Variants in CFAP77 observed in about 807,000 individuals in gnomAD.
The protein encoded by CFAP77 is cilia and flagella associated protein 77, also known as cilia- and flagella-associated protein 77.
CFAP77 carries 25 observed loss-of-function variants against 31.1 expected under a neutral mutation model. The ratio of observed to expected loss-of-function variants is 0.80; its 90% CI spans 0.59 to 1.12. The LOEUF (loss-of-function observed/expected upper bound fraction) is 1.12, where lower values mean the gene tolerates loss of function less well. Among genes scored for constraint, CFAP77 ranks in the 50% most tolerant of loss-of-function variants. CFAP77 has a pLI of 0.00. For synonymous variants in CFAP77, 151 were observed against 159.9 expected (o/e 0.94, Z 0.42); for missense variants, 377 against 397.3 (o/e 0.95, Z 0.44).
At chr9:132,547,140 G>C (rs936529407) in intron 5 of CFAP77, among the ~76,000 whole-genome samples, 1 of 152,230 alleles carries the variant, frequency 6.6e-6, no homozygotes, top group African/African-American at 2.4e-5. Context: ...ACGCTCCCCT[G>C]CCCTTTGGCC....
At chr9:132,464,265 C>T (rs903110789) in intron 1 of CFAP77, among the ~76,000 whole-genome samples, 2 of 152,228 alleles carry the variant, frequency 1.3e-5, no homozygotes, top group South Asian at 2.1e-4. Context: ...ATACAGGGCT[C>T]GGTCTCTGCC....
intron 1 of CFAP77, among the ~76,000 whole-genome samples, chr9:132,437,071 C>T (rs1850515562): frequency 6.6e-6 from 1 of 152,126 alleles, no homozygotes; most frequent in African/African-American, 2.4e-5. Flanking sequence ...TCATTTCGCA[C>T]CCTGTGTATC....
chr9:132,552,173 T>C lies in CFAP77; in HGVS notation c.732+9126T>C, dbSNP rs1589922167. Among the ~76,000 whole-genome samples the C allele has an allele frequency of 6.6e-6, 1 of 152,118 alleles. No individual in the cohort carries two copies. On this transcript the variant is annotated intron_variant, in intron 5 of 5. Coordinates refer to ENST00000393216, the MANE Select transcript of CFAP77 (RefSeq NM_001282957.2). This position sits in a 1 kb window ranked among gnomAD's most constrained non-coding sequence, Gnocchi z 5.5. Reference sequence around the variant, plus strand: ...GGCAGCCATGCAGAGTGGCTCCAGGTCCCAGCCTGCCTCATGCCCGCCCCA... The same window carrying C: ...GGCAGCCATGCAGAGTGGCTCCAGGCCCCAGCCTGCCTCATGCCCGCCCCA...
rs1851446519 is a variant in CFAP77 at position 132,481,518 on chromosome 9, C to T, written c.196-17177C>T. On this transcript the variant is annotated intron_variant, in intron 1 of 5. Transcript: ENST00000393216. This position sits in a 1 kb window ranked among gnomAD's most constrained non-coding sequence, Gnocchi z 5.0. ...CCGAGCACAGTGGCTTGCACCCCGT[C>T]GGTGGCTGCTGCCCCGCTCCTGCTA... Among the ~76,000 whole-genome samples the T allele has an allele frequency of 6.6e-6, 1 of 152,218 alleles. No individual in the cohort carries two copies. The highest frequency in any genetic ancestry group is 2.4e-5 in the African/African-American group (1 of 41,456).
rs568693481 is a variant in CFAP77 at position 132,497,676 on chromosome 9, T to C, written c.196-1019T>C. 6.6e-6 allele frequency among the ~76,000 whole-genome samples: 1 copy of C among 152,302 alleles called. No individual in the cohort carries two copies. The highest frequency in any genetic ancestry group is 1.9e-4 in the East Asian group (1 of 5,174). On this transcript the variant is annotated intron_variant, in intron 1 of 5. Coordinates refer to ENST00000393216, the MANE Select transcript of CFAP77 (RefSeq NM_001282957.2). This position sits in a 1 kb window ranked among gnomAD's most constrained non-coding sequence, Gnocchi z 4.9. ...CCTGAGGCAACCTGTCGGATCTCTC[T>C]GTGCCTCAGCTTCCCCCTGAGAAAC...
rs867944686 is a variant in CFAP77, at chr9:132,499,508, C to G, written c.432C>G (p.Leu144=). ...TARENLLYRQ[L]NDIRISDQDD... ...GGGAGAACTTGCTCTACCGTCAGCT[C>G]AATGACATCCGCATCAGTGACCAGG... is the stretch of plus-strand genomic sequence containing the variant. The change falls in exon 3 of 6, where the codon CTC becomes CTG. Residue 144 remains leucine (L), a synonymous_variant. Coordinates refer to ENST00000393216, the MANE Select transcript of CFAP77 (RefSeq NM_001282957.2). This position sits in a 1 kb window ranked among gnomAD's most constrained non-coding sequence, Gnocchi z 5.4. The G allele has an allele frequency of 5.6e-6, 9 of 1,614,192 alleles. No homozygotes were observed. In the Middle Eastern group the frequency reaches 1.3e-3, roughly 237 times the overall value.
At position 132,496,983 on chromosome 9, in the gene CFAP77, G is replaced by T. The variant is rs180980857; in HGVS notation, c.196-1712G>T. Among the ~76,000 whole-genome samples the T allele has an allele frequency of 4.6e-5, 7 of 152,334 alleles. No homozygotes were observed. In the East Asian group the frequency reaches 1.4e-3, roughly 29 times the overall value. On this transcript the variant is annotated intron_variant, in intron 1 of 5. Coordinates refer to ENST00000393216, the MANE Select transcript of CFAP77 (RefSeq NM_001282957.2). ...AAGAGTCACTGGCATTCAGACGAGG[G>T]TGAGCCATGGTGAACCCAGGGGTCC...
rs59722731 is a variant in CFAP77, at chr9:132,481,959, T to TG, written c.196-16722dup. Among the ~76,000 whole-genome samples the TG allele has an allele frequency of 8.0e-4, 93 of 115,758 alleles. 1 individual carries two copies. The highest frequency in any genetic ancestry group is 1.2e-3 in the East Asian group (4 of 3,208). 75.9% of individuals were successfully genotyped at this position (115,758 alleles called of 152,430 possible). On this transcript the variant is annotated intron_variant, in intron 1 of 5. Transcript: ENST00000393216. The surrounding 1 kb of genome is among the most constrained non-coding windows in gnomAD (Gnocchi z 5.0). ...TCAGGAAGGAACAAGGGTTTATGGTTGGGGGGGGGGGGGGCGGCGGAACAC... is the reference window on the plus strand; with the variant it reads ...TCAGGAAGGAACAAGGGTTTATGGTTGGGGGGGGGGGGGGGCGGCGGAACAC...
chr9:132,485,407 G>A (rs1851523694), intron 1 of CFAP77, among the ~76,000 whole-genome samples: 1 of 152,218 alleles, frequency 6.6e-6, no homozygotes, highest in Non-Finnish European at 1.5e-5. Context: ...AGAAGCCAGA[G>A]TTCCAGCTCG....
In CFAP77 at chr9:132,499,508, C is replaced by T; in HGVS notation, c.432C>T (p.Leu144=). The T allele has an allele frequency of 1.2e-6, 2 of 1,614,192 alleles. No homozygotes were observed. The highest frequency in any genetic ancestry group is 2.2e-5 in the South Asian group (2 of 91,080). ...TARENLLYRQ[L]NDIRISDQDD... is the part of the protein sequence containing the mutation. ...GGGAGAACTTGCTCTACCGTCAGCT[C>T]AATGACATCCGCATCAGTGACCAGG... Residue 144 remains leucine (L), a synonymous_variant, in exon 3 of 6, where the codon CTC becomes CTT. Coordinates refer to ENST00000393216, the MANE Select transcript of CFAP77 (RefSeq NM_001282957.2). This position sits in a 1 kb window ranked among gnomAD's most constrained non-coding sequence, Gnocchi z 5.4.
At position 132,480,693 on chromosome 9, in the gene CFAP77, C is replaced by T. The variant is rs943490445; in HGVS notation, c.196-18002C>T. Reference sequence around the variant, plus strand: ...TGGCTGGGGTTTCTCACGGAGGCTACAGAGTCCGGGGGCTTCTCCAAGGTG... The same window carrying T: ...TGGCTGGGGTTTCTCACGGAGGCTATAGAGTCCGGGGGCTTCTCCAAGGTG... On this transcript the variant is annotated intron_variant, in intron 1 of 5. Coordinates refer to ENST00000393216, the MANE Select transcript of CFAP77 (RefSeq NM_001282957.2). This position sits in a 1 kb window ranked among gnomAD's most constrained non-coding sequence, Gnocchi z 5.8. Among the ~76,000 whole-genome samples, 2 of 152,172 alleles carry T rather than the reference C, an allele frequency of 1.3e-5. No individual in the cohort carries two copies. The highest frequency in any genetic ancestry group is 2.9e-5 in the Non-Finnish European group (2 of 68,036).
intron 1 of CFAP77, among the ~76,000 whole-genome samples, chr9:132,435,742 C>A (rs1398722258): frequency 1.3e-5 from 2 of 152,164 alleles, no homozygotes; most frequent in Non-Finnish European, 2.9e-5. Context: ...CGAATGGTGT[C>A]CAGCATGACC....
chr9:132,547,847 TC>T (rs1470335331), intron 5 of CFAP77, among the ~76,000 whole-genome samples: 1 of 152,168 alleles, frequency 6.6e-6, no homozygotes, highest in Non-Finnish European at 1.5e-5. Flanking sequence ...TGCAGAAACT[TC>T]CTCAGGGCTC....
intron 5 of CFAP77, among the ~76,000 whole-genome samples, chr9:132,569,276 C>T (rs945932345): frequency 1.1e-4 from 17 of 152,126 alleles, no homozygotes; most frequent in South Asian, 2.1e-4. Context: ...GGCATGGTGG[C>T]GCACAGCTGT....
At position 132,503,340 on chromosome 9, in the gene CFAP77, G is replaced by A. The variant is rs914163729; in HGVS notation, c.524+3740G>A. ...AGCCCCTGTTCCTGGTCCGTGCTGT[G>A]CACTAGGTCACTAGATCAGTCCATG... On this transcript the variant is annotated intron_variant, in intron 3 of 5. Coordinates refer to ENST00000393216, the MANE Select transcript of CFAP77 (RefSeq NM_001282957.2). 3.3e-5 allele frequency among the ~76,000 whole-genome samples: 5 copies of A among 152,210 alleles called. No individual in the cohort carries two copies. In the South Asian group the frequency reaches 6.2e-4, roughly 19 times the overall value.
At chr9:132,537,930 G>T (rs1344500392) in intron 4 of CFAP77, among the ~76,000 whole-genome samples, 1 of 152,150 alleles carries the variant, frequency 6.6e-6, no homozygotes, top group Non-Finnish European at 1.5e-5. Flanking sequence ...GAGGAGATGG[G>T]TCCGGGCCAT....
At position 132,444,592 on chromosome 9, in the gene CFAP77, C is replaced by T. The variant is rs554706018; in HGVS notation, c.195+34126C>T. 5.9e-5 allele frequency among the ~76,000 whole-genome samples: 9 copies of T among 152,242 alleles called. 1 individual carries two copies. The South Asian group carries it at 6.2e-4, about 11-fold the overall frequency. On this transcript the variant is annotated intron_variant, in intron 1 of 5. Coordinates refer to ENST00000393216, the MANE Select transcript of CFAP77 (RefSeq NM_001282957.2). Reference sequence around the variant, plus strand: ...GCAGGAAGGCTGACCTGAGTCCTTCCGGCAGGGTGGCTGGGTCTTGGCTGT... The same window carrying T: ...GCAGGAAGGCTGACCTGAGTCCTTCTGGCAGGGTGGCTGGGTCTTGGCTGT...
intron 1 of CFAP77, among the ~76,000 whole-genome samples, chr9:132,466,229 G>A (rs777009316): frequency 2.6e-5 from 4 of 152,140 alleles, no homozygotes; most frequent in Non-Finnish European, 5.9e-5. Context: ...ACGTAAGCCT[G>A]GCTGACATGA....
At chr9:132,426,005 CT>C (rs1455425660) in intron 1 of CFAP77, among the ~76,000 whole-genome samples, 1 of 152,188 alleles carries the variant, frequency 6.6e-6, no homozygotes, top group Admixed American at 6.5e-5. Flanking sequence ...ATGAAAGTGA[CT>C]TGTTCAATTG....
Sources: gnomAD v4.1 joint callset for allele counts (sites outside exome capture counted in the v4.1 genomes callset) on GRCh38, gnomAD v4.1.1 for gene constraint, Gnocchi (gnomAD v3.1) non-coding constraint, MANE v1.5 for transcripts, NCBI Gene and HGNC (gene_info 2026-07-23, HGNC 2026-07-21) for gene names.